TMTC1: variants seen among roughly 807,000 people sequenced by gnomAD.
TMTC1 encodes protein O-mannosyl-transferase TMTC1.
In TMTC1, 73 loss-of-function variants were observed where a neutral mutation model predicts 104.8. That is an observed-to-expected ratio of 0.70 (90% CI 0.58 to 0.85). The LOEUF (loss-of-function observed/expected upper bound fraction) is 0.85, where lower values mean the gene tolerates loss of function less well. Ranked by LOEUF, TMTC1 falls within the 40% of genes least tolerant of loss-of-function variation. The pLI, the probability that TMTC1 is intolerant of heterozygous loss-of-function variation, is 0.00. For synonymous variants in TMTC1, 434 were observed against 428.7 expected, an observed-to-expected ratio of 1.01 and a Z score of -0.15; for missense variants, 1,035 against 1,096.1, an observed-to-expected ratio of 0.94 and a Z score of 0.79.
At chr12:29,509,831 T>G (rs1048232001) in intron 17 of TMTC1, among the ~76,000 whole-genome samples, 4 of 152,252 alleles carry the variant, frequency 2.6e-5, no homozygotes, top group African/African-American at 9.6e-5. Flanking sequence ...TTCTTTAATC[T>G]CTAGACACTT....
intron 6 of TMTC1, among the ~76,000 whole-genome samples, chr12:29,624,035 A>C (rs1211732527): frequency 6.6e-6 from 1 of 152,020 alleles, no homozygotes; most frequent in Non-Finnish European, 1.5e-5. Flanking sequence ...GCTGGAGCAC[A>C]GTGGCACAAT....
At chr12:29,542,033 T>C (rs778428071) in intron 10 of TMTC1, among the ~76,000 whole-genome samples, 1 of 152,194 alleles carries the variant, frequency 6.6e-6, no homozygotes, top group Non-Finnish European at 1.5e-5. Context: ...TTAGACCGAA[T>C]TGACAAGTCA....
chr12:29,507,976 C>G (rs933643813), intron 17 of TMTC1, among the ~76,000 whole-genome samples: 5 of 152,148 alleles, frequency 3.3e-5, no homozygotes, highest in African/African-American at 1.2e-4. Flanking sequence ...GTGAAGACAC[C>G]ATGTAGCAAC....
rs1271072384 is a variant in TMTC1 at position 29,537,864 on chromosome 12, A to G, written c.1677-1547T>C. ...TTAAGTGTTAGAAGCAGCTTGTTAC[A>G]TAAGGCAATTTCAACTATCATAGAC... On this transcript the variant is annotated intron_variant, in intron 10 of 17. Coordinates refer to ENST00000539277, the MANE Select transcript of TMTC1 (RefSeq NM_001193451.2). Among the ~76,000 whole-genome samples the G allele has an allele frequency of 7.2e-5, 11 of 152,244 alleles. 1 individual carries two copies. Among genetic ancestry groups the G allele is most frequent in the Admixed American group, 6.5e-4 (10 of 15,286 alleles).
intron 5 of TMTC1, among the ~76,000 whole-genome samples, chr12:29,675,627 CA>C (rs1565760128): frequency 1.6e-3 from 125 of 79,214 alleles, no homozygotes; most frequent in East Asian, 1.7e-3. Context: ...CACACACACA[CA>C]CACCCTCCAT....
intron 5 of TMTC1, among the ~76,000 whole-genome samples, chr12:29,655,117 G>A (rs546801491): frequency 5.3e-5 from 8 of 152,160 alleles, no homozygotes; most frequent in African/African-American, 1.2e-4. Flanking sequence ...TCCTGACCTC[G>A]TGATCCGCCT....
In TMTC1 at chr12:29,558,810, C is replaced by T. The variant is rs145927817; in HGVS notation, c.1533-1810G>A. On this transcript the variant is annotated intron_variant, in intron 9 of 17. Transcript: ENST00000539277. ...GTTCCTGGGAGACAAGTGCTTGGTG[C>T]TCTCTCTGAGATGCCTTTAGAAGAT... Among the ~76,000 whole-genome samples, 951 of 152,286 alleles carry T rather than the reference C, an allele frequency of 6.2e-3. 3 individuals carry two copies. The highest frequency in any genetic ancestry group is 0.01 in the Non-Finnish European group (692 of 68,020).
intron 5 of TMTC1, among the ~76,000 whole-genome samples, chr12:29,705,117 G>A (rs1941704472): frequency 6.6e-6 from 1 of 152,166 alleles, no homozygotes; most frequent in Non-Finnish European, 1.5e-5. Context: ...AGGCTGATGG[G>A]AGTTCAGAGC....
chr12:29,759,298 C>T (rs1020185911), intron 2 of TMTC1, among the ~76,000 whole-genome samples: 9 of 152,002 alleles, frequency 5.9e-5, no homozygotes, highest in African/African-American at 1.9e-4. Flanking sequence ...GAGTTCAAGA[C>T]CAGCCTGGAC....
chr12:29,752,901 C>G (rs1943126788), intron 4 of TMTC1, among the ~76,000 whole-genome samples: 1 of 152,102 alleles, frequency 6.6e-6, no homozygotes, highest in Non-Finnish European at 1.5e-5. Flanking sequence ...GGACTGTGGA[C>G]AGAGAATGTT....
chr12:29,758,618 G>T, intron 3 of TMTC1, 86 bp downstream of exon 3: 1 of 1,291,278 alleles, frequency 7.7e-7, no homozygotes, highest in Non-Finnish European at 1.1e-6. Context: ...ACAACCAGAA[G>T]CTTCTCTCCT....
intron 7 of TMTC1, among the ~76,000 whole-genome samples, chr12:29,589,765 C>T (rs973197214): frequency 8.5e-5 from 13 of 152,186 alleles, no homozygotes; most frequent in Admixed American, 3.9e-4. Context: ...ACTTCCTGTG[C>T]GGTAGGCACT....
intron 8 of TMTC1, among the ~76,000 whole-genome samples, chr12:29,582,493 G>A (rs1450904715): frequency 6.6e-6 from 1 of 152,198 alleles, no homozygotes; most frequent in South Asian, 2.1e-4. Context: ...CTAAGACTTT[G>A]ATGTGTACAT....
At chr12:29,645,296 C>T (rs558415269) in intron 5 of TMTC1, among the ~76,000 whole-genome samples, 191 of 152,270 alleles carry the variant, frequency 1.3e-3, no homozygotes, top group African/African-American at 4.5e-3. Flanking sequence ...AAGATTCTGC[C>T]TTTTTGTAGC....
chr12:29,565,391 G>A (rs1036919818), intron 9 of TMTC1, among the ~76,000 whole-genome samples: 1 of 152,138 alleles, frequency 6.6e-6, no homozygotes, highest in African/African-American at 2.4e-5. Context: ...CATCCAAGCT[G>A]ACATGAAATT....
At chr12:29,669,273 T>C (rs1282022457) in intron 5 of TMTC1, among the ~76,000 whole-genome samples, 3 of 152,134 alleles carry the variant, frequency 2.0e-5, no homozygotes, top group South Asian at 4.1e-4. Flanking sequence ...ACTGGTACAG[T>C]GGTGAACAGA....
At position 29,604,164 on chromosome 12, in the gene TMTC1, C is replaced by G. The variant is rs368175449; in HGVS notation, c.1250+14G>C. The G allele has an allele frequency of 8.2e-5, 132 of 1,612,666 alleles. No homozygotes were observed. The highest frequency in any genetic ancestry group is 1.1e-4 in the Non-Finnish European group (125 of 1,179,154). ...GGGCAGGTCTTGTAGGAGGAAGTCACGTGCAATAGTTACCTAGGCATGTAA... is the reference window on the plus strand; with the variant it reads ...GGGCAGGTCTTGTAGGAGGAAGTCAGGTGCAATAGTTACCTAGGCATGTAA... On this transcript the variant is annotated intron_variant, in intron 7 of 17. Transcript: ENST00000539277.
intron 10 of TMTC1, among the ~76,000 whole-genome samples, chr12:29,547,811 T>C (rs1350853203): frequency 6.6e-6 from 1 of 152,204 alleles, no homozygotes; most frequent in Non-Finnish European, 1.5e-5. Context: ...ATTTCTTAGC[T>C]GTCCCTAAAT....
At chr12:29,733,008 C>T (rs1246669608) in intron 5 of TMTC1, among the ~76,000 whole-genome samples, 2 of 152,182 alleles carry the variant, frequency 1.3e-5, no homozygotes, top group African/African-American at 4.8e-5. Flanking sequence ...ATATACTGAG[C>T]TTCCCAGTAC....
Sources: gnomAD v4.1 joint callset for allele counts (sites outside exome capture counted in the v4.1 genomes callset) on GRCh38, gnomAD v4.1.1 for gene constraint, MANE v1.5 for transcripts, NCBI Gene and HGNC (gene_info 2026-07-23, HGNC 2026-07-21) for gene names.